ABLIM1: variants seen among roughly 807,000 people sequenced by gnomAD.
The protein encoded by ABLIM1 is actin-binding LIM protein 1.
ABLIM1 carries 40 observed loss-of-function variants against 107.0 expected under a neutral mutation model. The observed-to-expected ratio is 0.37, with a 90% CI of 0.29 to 0.49. The LOEUF is 0.49. Among genes scored for constraint, ABLIM1 ranks in the 20% least tolerant of loss-of-function variants. ABLIM1 has a pLI of 0.97. For missense variants in ABLIM1, 857 were observed against 1,008.5 expected (o/e 0.85, Z 2.04); for synonymous variants, 357 against 357.3 (o/e 1.00, Z 0.01).
At chr10:114,720,774 C>T (rs2081825748) in intron 1 of ABLIM1, among the ~76,000 whole-genome samples, 1 of 151,852 alleles carries the variant, frequency 6.6e-6, no homozygotes. Context: ...AGAAGACAAC[C>T]AAACCTGGTT....
Position 114,431,154 on chromosome 10 carries a change from G to A in ABLIM1, c.*5106C>T, listed in dbSNP as rs546238743. The A allele has an allele frequency of 6.6e-6, 1 of 152,366 alleles. No homozygotes were observed. The highest frequency in any genetic ancestry group is 1.9e-4 in the East Asian group (1 of 5,180). 9.4% of individuals were successfully genotyped at this position (152,366 alleles called of 1,614,324 possible). A position where few individuals can be genotyped will look rare whatever the true frequency, so the allele number is the denominator to read the frequency against. On this transcript the variant is annotated 3_prime_UTR_variant, in exon 23 of 23. Coordinates refer to ENST00000533213, the MANE Select transcript of ABLIM1 (RefSeq NM_002313.7). The stretch of plus-strand genomic sequence containing the variant: ...ACTTTATTCACGAAGTTGTGAGTAT[G>A]ACAGTGATGCAGAGTATATGACAAA...
chr10:114,716,340 A>T (rs2081660127), intron 1 of ABLIM1, among the ~76,000 whole-genome samples: 2 of 151,900 alleles, frequency 1.3e-5, no homozygotes, highest in African/African-American at 4.8e-5. Context: ...ATATTAGCTA[A>T]GTAAGGTAGG....
chr10:114,681,200 A>G (rs2080733826), intron 1 of ABLIM1, among the ~76,000 whole-genome samples: 1 of 152,082 alleles, frequency 6.6e-6, no homozygotes, highest in African/African-American at 2.4e-5. Context: ...TTTTATTTTA[A>G]TTTTTATATT....
At chr10:114,446,225 A>G (rs1011424737) in intron 15 of ABLIM1, among the ~76,000 whole-genome samples, 5 of 152,372 alleles carry the variant, frequency 3.3e-5, no homozygotes. Flanking sequence ...TTCTACTCTT[A>G]GTAAATTCAA....
At chr10:114,622,098 G>A (rs746933334) in intron 1 of ABLIM1, among the ~76,000 whole-genome samples, 4 of 152,128 alleles carry the variant, frequency 2.6e-5, no homozygotes, top group Non-Finnish European at 4.4e-5. Context: ...TAGCTCATGT[G>A]TCACTATGAG....
At chr10:114,568,819 C>A (rs903372060) in intron 4 of ABLIM1, among the ~76,000 whole-genome samples, 2 of 152,284 alleles carry the variant, frequency 1.3e-5, no homozygotes, top group African/African-American at 2.4e-5. Context: ...TAATATTAAA[C>A]ATGCAATGGC....
chr10:114,545,107 C>CA lies in ABLIM1; in HGVS notation c.801-10dup. On this transcript the variant is annotated splice_polypyrimidine_tract_variant and intron_variant, in intron 5 of 22. Transcript: ENST00000533213. ...AGTACGGAGCACCATCCCTGCAAGA[C>CA]AAAAACGTGTTCGGCTCCTGAGGAG... 6.2e-7 allele frequency: 1 copy of CA among 1,614,026 alleles called. No individual in the cohort carries two copies. The highest frequency in any genetic ancestry group is 1.1e-5 in the South Asian group (1 of 91,072).
intron 1 of ABLIM1, chr10:114,631,932 C>G (rs1166120064): frequency 7.7e-7 from 1 of 1,304,440 alleles, no homozygotes; most frequent in East Asian, 5.6e-5. Context: ...ACCGGGTCCT[C>G]CGACGAGCAG....
chr10:114,775,064 A>T, the ABLIM1 span, among the ~76,000 whole-genome samples: 1 of 152,162 alleles, frequency 6.6e-6, no homozygotes, highest in Non-Finnish European at 1.5e-5. Flanking sequence ...ACTTACAATC[A>T]TGGAGGAAGG....
At chr10:114,682,932 A>G (rs963136132) in intron 1 of ABLIM1, among the ~76,000 whole-genome samples, 13 of 152,232 alleles carry the variant, frequency 8.5e-5, no homozygotes, top group African/African-American at 2.9e-4. Context: ...GTACAGTACA[A>G]GAAAAACAGA....
chr10:114,656,378 C>CT, intron 1 of ABLIM1, among the ~76,000 whole-genome samples: 1 of 151,176 alleles, frequency 6.6e-6, no homozygotes, highest in South Asian at 2.1e-4. Context: ...GGAGTAACTG[C>CT]TTTGTGAAAT....
the ABLIM1 span, chr10:114,779,462 T>C: frequency 2.0e-5 from 3 of 152,232 alleles, no homozygotes; most frequent in African/African-American, 7.2e-5. Flanking sequence ...TATCAATACA[T>C]TTAAATTGTC....
chr10:114,583,404 AACACACAC>A (rs1164587300), intron 2 of ABLIM1, among the ~76,000 whole-genome samples: 178 of 71,198 alleles, frequency 2.5e-3, no homozygotes, highest in Admixed American at 3.2e-3. Flanking sequence ...GAGAAAAGGG[AACACACAC>A]ACACACACAC....
chr10:114,440,121 G>A lies in ABLIM1; in HGVS notation c.2060-32C>T, dbSNP rs1032135327. The A allele has an allele frequency of 6.3e-6, 10 of 1,592,106 alleles. No homozygotes were observed. The East Asian group carries it at 2.2e-4, about 36-fold the overall frequency. On this transcript the variant is annotated intron_variant, in intron 19 of 22. Transcript: ENST00000533213. ...AGGAAAGGAAAAGAAAATATCATAAGGGAAAGACCATGGAAAAGCAAGGAA... is the reference window on the plus strand; with the variant it reads ...AGGAAAGGAAAAGAAAATATCATAAAGGAAAGACCATGGAAAAGCAAGGAA...
At chr10:114,591,581 T>C (rs1459243149) in intron 2 of ABLIM1, among the ~76,000 whole-genome samples, 2 of 152,148 alleles carry the variant, frequency 1.3e-5, no homozygotes, top group South Asian at 4.1e-4. Flanking sequence ...AAAGAGAGAA[T>C]ACTTTCTCAC....
chr10:114,562,256 G>T (rs529742603), intron 4 of ABLIM1, among the ~76,000 whole-genome samples: 15 of 152,288 alleles, frequency 9.8e-5, no homozygotes, highest in Admixed American at 2.0e-4. Context: ...TTGGCCAGGC[G>T]CGGTGGCTCA....
intron 1 of ABLIM1, among the ~76,000 whole-genome samples, chr10:114,725,507 T>C (rs1301753009): frequency 6.6e-6 from 1 of 152,078 alleles, no homozygotes; most frequent in East Asian, 1.9e-4. Flanking sequence ...CACAAAATGG[T>C]GCGTAGAGTA....
At chr10:114,690,429 T>C in intron 1 of ABLIM1, 1 of 1,604,096 alleles carries the variant, frequency 6.2e-7, no homozygotes, top group Non-Finnish European at 8.5e-7. Context: ...ACCAGTGCCA[T>C]TATGGCGTGT....
chr10:114,555,844 C>T (rs903186408), intron 4 of ABLIM1, among the ~76,000 whole-genome samples: 4 of 151,330 alleles, frequency 2.6e-5, no homozygotes, highest in African/African-American at 9.7e-5. Context: ...TGCTTTTTTA[C>T]AATAGATCTT....
Sources: gnomAD v4.1 joint callset for allele counts (sites outside exome capture counted in the v4.1 genomes callset) on GRCh38, gnomAD v4.1.1 for gene constraint, MANE v1.5 for transcripts, NCBI Gene and HGNC (gene_info 2026-07-23, HGNC 2026-07-21) for gene names.